Variants in COMMD10 observed in about 807,000 individuals in gnomAD.
COMMD10 encodes COMM domain containing 10.
COMMD10 carries 33 observed loss-of-function variants against 28.9 expected under a neutral mutation model. The ratio of observed to expected loss-of-function variants is 1.14; its 90% CI spans 0.87 to 1.53. The LOEUF (loss-of-function observed/expected upper bound fraction) is 1.53, where lower values mean the gene tolerates loss of function less well. Among genes scored for constraint, COMMD10 ranks in the 40% most tolerant of loss-of-function variants. The probability of loss-of-function intolerance (pLI) is 0.00; values close to 1 mark genes in which losing one functional copy is unlikely to be tolerated. For synonymous variants in COMMD10, 110 were observed against 81.7 expected, an observed-to-expected ratio of 1.35 and a Z score of -1.87; for missense variants, 310 against 233.4, an observed-to-expected ratio of 1.33 and a Z score of -2.14.
At chr5:116,113,658 C>G (rs1751135026) in intron 4 of COMMD10, among the ~76,000 whole-genome samples, 1 of 151,866 alleles carries the variant, frequency 6.6e-6, no homozygotes, top group South Asian at 2.1e-4. Context: ...ACGTCTATCT[C>G]CTTGGTAAAT....
At chr5:116,250,637 A>G (rs1205971205) in intron 5 of COMMD10, among the ~76,000 whole-genome samples, 1 of 151,840 alleles carries the variant, frequency 6.6e-6, no homozygotes, top group Non-Finnish European at 1.5e-5. Context: ...TATGTTTTCA[A>G]GAAATTACTA....
intron 5 of COMMD10, among the ~76,000 whole-genome samples, chr5:116,172,727 C>G (rs1753377870): frequency 6.6e-6 from 1 of 152,134 alleles, no homozygotes; most frequent in African/African-American, 2.4e-5. Flanking sequence ...AAGAGCAGCA[C>G]AGGGCTTCTG....
At chr5:116,176,699 T>C (rs1455000513) in intron 5 of COMMD10, among the ~76,000 whole-genome samples, 1 of 152,156 alleles carries the variant, frequency 6.6e-6, no homozygotes, top group Non-Finnish European at 1.5e-5. Context: ...TCTCATTTAA[T>C]TATTATTTTT....
intron 5 of COMMD10, among the ~76,000 whole-genome samples, chr5:116,226,621 A>G (rs1358242981): frequency 6.6e-6 from 1 of 151,532 alleles, no homozygotes; most frequent in African/African-American, 2.4e-5. Flanking sequence ...AAAAAGCACC[A>G]ATCAACTTAG....
intron 5 of COMMD10, among the ~76,000 whole-genome samples, chr5:116,151,592 A>G (rs901719540): frequency 4.6e-5 from 7 of 152,044 alleles, no homozygotes; most frequent in Non-Finnish European, 1.0e-4. Flanking sequence ...TTGGGAGTGT[A>G]TATGTGTCGA....
At chr5:116,251,468 G>A (rs1348072849) in intron 5 of COMMD10, among the ~76,000 whole-genome samples, 1 of 122,918 alleles carries the variant, frequency 8.1e-6, no homozygotes, top group Admixed American at 1.0e-4. Context: ...ACAGTCCCCA[G>A]AGTGTGATGT....
In COMMD10 at chr5:116,292,583, G is replaced by C; in HGVS notation, c.*94G>C. The C allele has an allele frequency of 3.9e-6, 4 of 1,019,766 alleles. 1 individual carries two copies. In the South Asian group the frequency reaches 6.3e-5, roughly 16 times the overall value. The allele number at this position is 1,019,766 out of a possible 1,614,324, so 63.2% of individuals were successfully genotyped here. A position where few individuals can be genotyped will look rare whatever the true frequency, so the allele number is the denominator to read the frequency against. ...CAGGTTGTGTTTTCTGAAGGATTCAGTGACTTGCTTTCTGTAAATTATATG... is the reference window on the plus strand; with the variant it reads ...CAGGTTGTGTTTTCTGAAGGATTCACTGACTTGCTTTCTGTAAATTATATG... On this transcript the variant is annotated 3_prime_UTR_variant, in exon 7 of 7. Coordinates refer to ENST00000274458, the MANE Select transcript of COMMD10 (RefSeq NM_016144.4).
intron 5 of COMMD10, among the ~76,000 whole-genome samples, chr5:116,205,738 T>A (rs1748794923): frequency 4.6e-5 from 7 of 152,150 alleles, no homozygotes; most frequent in Admixed American, 3.9e-4. Flanking sequence ...AGATGGCGCC[T>A]TTTAAGAAAT....
At chr5:116,108,108 G>A (rs62384700) in intron 4 of COMMD10, among the ~76,000 whole-genome samples, 16,093 of 152,176 alleles carry the variant, frequency 0.11, 947 homozygotes, top group African/African-American at 0.15. Flanking sequence ...GGTGTCTTTC[G>A]GCTCCCACTG....
intron 5 of COMMD10, among the ~76,000 whole-genome samples, chr5:116,224,852 T>A (rs1197707807): frequency 1.3e-5 from 2 of 152,240 alleles, no homozygotes; most frequent in Non-Finnish European, 2.9e-5. Context: ...TAAATGCTGA[T>A]GAGTATTTGA....
Position 116,122,920 on chromosome 5 carries a change from C to G in COMMD10, c.400-11148C>G, listed in dbSNP as rs972637455. On this transcript the variant is annotated intron_variant, in intron 4 of 6. Transcript: ENST00000274458. ...TCTAAATATACAGTCATGTCATCTG[C>G]AAACGGGGACAGTTTGACTTCCTCT... Among the ~76,000 whole-genome samples, 5 of 152,182 alleles carry G rather than the reference C, an allele frequency of 3.3e-5. No homozygotes were observed. In the East Asian group the frequency reaches 5.8e-4, roughly 18 times the overall value.
intron 5 of COMMD10, among the ~76,000 whole-genome samples, chr5:116,261,910 T>C (rs922018503): frequency 6.6e-6 from 1 of 151,830 alleles, no homozygotes; most frequent in East Asian, 1.9e-4. Context: ...ATAATAATAA[T>C]TAGCTAATTT....
At chr5:116,124,176 G>T (rs1411269802) in intron 4 of COMMD10, among the ~76,000 whole-genome samples, 1 of 152,016 alleles carries the variant, frequency 6.6e-6, no homozygotes, top group Non-Finnish European at 1.5e-5. Flanking sequence ...GTCAGTTTTA[G>T]ATCTGTCCAT....
At chr5:116,213,352 A>G (rs1749016024) in intron 5 of COMMD10, among the ~76,000 whole-genome samples, 1 of 152,162 alleles carries the variant, frequency 6.6e-6, no homozygotes, top group Admixed American at 6.5e-5. Flanking sequence ...GCTTTCTGTT[A>G]GTGTGAGTCA....
chr5:116,211,714 C>G (rs1748968084), intron 5 of COMMD10, among the ~76,000 whole-genome samples: 1 of 151,950 alleles, frequency 6.6e-6, no homozygotes. Context: ...TAAGTAGATT[C>G]CAAAAAGCAA....
At chr5:116,213,146 T>G (rs1329495630) in intron 5 of COMMD10, among the ~76,000 whole-genome samples, 1 of 152,070 alleles carries the variant, frequency 6.6e-6, no homozygotes, top group Non-Finnish European at 1.5e-5. Context: ...CAAGGAGCCC[T>G]AGGGTATGAA....
chr5:116,116,701 AGATTTTTT>A (rs1751243383), intron 4 of COMMD10, among the ~76,000 whole-genome samples: 1 of 141,202 alleles, frequency 7.1e-6, no homozygotes, highest in Admixed American at 7.8e-5. Flanking sequence ...TAAAATGCAG[AGATTTTTT>A]TTTTTTTTTT....
At chr5:116,103,575 G>C (rs888155088) in intron 4 of COMMD10, among the ~76,000 whole-genome samples, 1 of 152,014 alleles carries the variant, frequency 6.6e-6, no homozygotes, top group South Asian at 2.1e-4. Context: ...TTGTCAGATG[G>C]ATAGATTGCA....
At chr5:116,167,956 TAAC>T (rs1753186519) in intron 5 of COMMD10, among the ~76,000 whole-genome samples, 1 of 152,122 alleles carries the variant, frequency 6.6e-6, no homozygotes, top group Admixed American at 6.6e-5. Context: ...ACTGTCATAA[TAAC>T]AGGATCAAAT....
Sources: allele counts gnomAD v4.1 joint callset (sites outside exome capture counted in the v4.1 genomes callset), GRCh38; gene constraint gnomAD v4.1.1; transcripts MANE v1.5; gene names NCBI Gene and HGNC (gene_info 2026-07-23, HGNC 2026-07-21).